The following BSPRY variants were observed in gnomAD, a reference collection of about 807,000 sequenced individuals.
BSPRY encodes B box and SPRY domain-containing protein.
BSPRY carries 33 observed loss-of-function variants against 38.0 expected under a neutral mutation model. The observed-to-expected ratio is 0.87, with a 90% CI of 0.66 to 1.16. The LOEUF is 1.16. Among genes scored for constraint, BSPRY ranks in the 50% most tolerant of loss-of-function variants. BSPRY has a pLI of 0.00. For synonymous variants in BSPRY, 224 were observed against 228.5 expected (o/e 0.98, Z 0.18); for missense variants, 523 against 533.2 (o/e 0.98, Z 0.19).
intron 1 of BSPRY, among the ~76,000 whole-genome samples, chr9:113,350,859 A>G (rs147184327): frequency 6.6e-6 from 1 of 152,294 alleles, no homozygotes; most frequent in Non-Finnish European, 1.5e-5. Flanking sequence ...TGCATAATGG[A>G]CAAAAAAATT....
intron 2 of BSPRY, among the ~76,000 whole-genome samples, chr9:113,359,910 A>G (rs569892190): frequency 2.2e-4 from 34 of 152,222 alleles, no homozygotes; most frequent in Non-Finnish European, 4.4e-4. Flanking sequence ...CATTCAGTCA[A>G]TATTTGAGTA....
In BSPRY at chr9:113,370,324, G is replaced by GTTA; in HGVS notation, c.*183_*184insTAT. The GTTA allele has an allele frequency of 4.6e-6, 3 of 648,988 alleles. No homozygotes were observed. The highest frequency in any genetic ancestry group is 6.8e-6 in the Non-Finnish European group (3 of 439,992). 40.2% of individuals were successfully genotyped at this position (648,988 alleles called of 1,614,324 possible). On this transcript the variant is annotated 3_prime_UTR_variant, in exon 6 of 6. Coordinates refer to ENST00000374183, the MANE Select transcript of BSPRY (RefSeq NM_017688.3). This position sits in a 1 kb window ranked among gnomAD's most constrained non-coding sequence, Gnocchi z 4.8. The stretch of plus-strand genomic sequence containing the variant: ...TCTAGGCATAACCTGTAAATCACAG[G>GTTA]TGTCCAAACTTTTGGCTTCCCTGGG...
chr9:113,362,453 A>G lies in BSPRY; in HGVS notation c.557+59A>G. On this transcript the variant is annotated intron_variant, in intron 4 of 5. Transcript: ENST00000374183. The stretch of plus-strand genomic sequence containing the variant: ...CTTGGAGACCCTTAGACCTCTTCAC[A>G]CTCCACTGCCTTCAGCCCTGCTGCT... 1.9e-6 allele frequency: 3 copies of G among 1,546,020 alleles called. No homozygotes were observed. In the Admixed American group the frequency reaches 5.0e-5, roughly 26 times the overall value.
intron 2 of BSPRY, among the ~76,000 whole-genome samples, chr9:113,358,152 G>A (rs1834093999): frequency 6.6e-6 from 1 of 150,894 alleles, no homozygotes; most frequent in Non-Finnish European, 1.5e-5. Flanking sequence ...GGAGGGTGAG[G>A]TGAGAGGATC....
At chr9:113,366,356 T>C (rs1834251785) in intron 4 of BSPRY, among the ~76,000 whole-genome samples, 1 of 152,232 alleles carries the variant, frequency 6.6e-6, no homozygotes, top group South Asian at 2.1e-4. Context: ...GAATATACTC[T>C]CAAAGTAGTG....
chr9:113,351,079 G>A (rs990023522), intron 1 of BSPRY, among the ~76,000 whole-genome samples: 4 of 152,152 alleles, frequency 2.6e-5, no homozygotes, highest in African/African-American at 9.7e-5. Context: ...GTTGGAGGGA[G>A]GAAGTGATGC....
Position 113,349,786 on chromosome 9 carries a change from C to CG in BSPRY, c.201+9dup. On this transcript the variant is annotated splice_region_variant and intron_variant, in intron 1 of 5. Transcript: ENST00000374183. Reference sequence around the variant, plus strand: ...AGCGCGCCGAGGAGCTGCGGGTGAGCGGGTGTGGGCGCCGGAAGGCGAGGG... The same window carrying CG: ...AGCGCGCCGAGGAGCTGCGGGTGAGCGGGGTGTGGGCGCCGGAAGGCGAGGG... The CG allele has an allele frequency of 5.7e-6, 7 of 1,227,802 alleles. No homozygotes were observed. The highest frequency in any genetic ancestry group is 7.1e-6 in the Non-Finnish European group (7 of 985,382). 76.1% of individuals were successfully genotyped at this position (1,227,802 alleles called of 1,614,324 possible).
In BSPRY at chr9:113,370,090, C is replaced by G; in HGVS notation, c.1157C>G (p.Pro386Arg). 6.2e-7 allele frequency: 1 copy of G among 1,608,268 alleles called. No individual in the cohort carries two copies. Among genetic ancestry groups the G allele is most frequent in the Non-Finnish European group, 8.5e-7 (1 of 1,177,444 alleles). Residue 386 changes from proline (P) to arginine (R), a missense_variant, in exon 6 of 6, where the codon CCC becomes CGC. Pro to Arg is a moderately radical substitution (Grantham distance 103). Coordinates refer to ENST00000374183, the MANE Select transcript of BSPRY (RefSeq NM_017688.3). This position sits in a 1 kb window ranked among gnomAD's most constrained non-coding sequence, Gnocchi z 4.8. ...LCAHHVSFPG[P>R]LFPVFAVADQ... ...GCCCATCATGTGTCCTTCCCGGGGC[C>G]CCTCTTCCCAGTCTTTGCTGTGGCC...
intron 1 of BSPRY, among the ~76,000 whole-genome samples, chr9:113,351,624 G>T (rs1317156548): frequency 6.6e-6 from 1 of 152,118 alleles, no homozygotes. Context: ...AGATGGAACT[G>T]AGGCAGAACT....
At chr9:113,365,802 CTTTTTTTTTTTT>C (rs139762130) in intron 4 of BSPRY, among the ~76,000 whole-genome samples, 2 of 106,740 alleles carry the variant, frequency 1.9e-5, no homozygotes, top group Non-Finnish European at 3.7e-5. Context: ...GTCACAGCTT[CTTTTTTTTTTTT>C]TTTTTTTTGA....
intron 1 of BSPRY, among the ~76,000 whole-genome samples, chr9:113,352,986 TAATG>T (rs1833995453): frequency 6.6e-6 from 1 of 152,150 alleles, no homozygotes. Flanking sequence ...TGGTGCTGCT[TAATG>T]AATGAGGATA....
intron 4 of BSPRY, among the ~76,000 whole-genome samples, chr9:113,366,612 C>T (rs963737458): frequency 7.2e-5 from 11 of 152,182 alleles, no homozygotes; most frequent in Non-Finnish European, 2.9e-5. Context: ...CCGGGTGGTT[C>T]GCTGTAGACT....
rs1834069493 is a variant in BSPRY at position 113,356,919 on chromosome 9, A to G, written c.300+2581A>G. On this transcript the variant is annotated intron_variant, in intron 2 of 5. Coordinates refer to ENST00000374183, the MANE Select transcript of BSPRY (RefSeq NM_017688.3). ...ATGTTATGTTTGAGATACCTATTTGACATCCAAGTGAAGGTGCTGAGTAGG... is the reference window on the plus strand; with the variant it reads ...ATGTTATGTTTGAGATACCTATTTGGCATCCAAGTGAAGGTGCTGAGTAGG... Among the ~76,000 whole-genome samples, 3 of 152,162 alleles carry G rather than the reference A, an allele frequency of 2.0e-5. No homozygotes were observed. The South Asian group carries it at 6.2e-4, about 32-fold the overall frequency.
At chr9:113,351,322 C>T (rs1588059501) in intron 1 of BSPRY, among the ~76,000 whole-genome samples, 1 of 152,164 alleles carries the variant, frequency 6.6e-6, no homozygotes, top group South Asian at 2.1e-4. Flanking sequence ...CTGTCTTTTG[C>T]ACATTCCTTC....
chr9:113,356,882 G>A (rs1834068968), intron 2 of BSPRY, among the ~76,000 whole-genome samples: 1 of 152,226 alleles, frequency 6.6e-6, no homozygotes, highest in Non-Finnish European at 1.5e-5. Flanking sequence ...GGCATGCTAA[G>A]TTGTTGTGGG....
At chr9:113,354,196 C>G (rs1390952979) in intron 1 of BSPRY, 44 bp from the exon 2 acceptor site, 23 of 1,521,460 alleles carry the variant, frequency 1.5e-5, no homozygotes, top group Middle Eastern at 1.8e-4. Context: ...GTGAATGGCT[C>G]AGGTACATGG....
intron 4 of BSPRY, among the ~76,000 whole-genome samples, chr9:113,366,062 C>T (rs572310618): frequency 4.6e-5 from 7 of 152,218 alleles, no homozygotes; most frequent in Non-Finnish European, 8.8e-5. Flanking sequence ...ACCTCAGTCT[C>T]CCAAAGTGCT....
Position 113,369,929 on chromosome 9 carries a change from G to T in BSPRY, c.996G>T (p.Gln332His). Reference sequence around the variant, plus strand: ...CCTGGGTCTTCTCTCGCTATGATCAGGAGTTTCGTTTCTCACACAATGGGC... The same window carrying T: ...CCTGGGTCTTCTCTCGCTATGATCATGAGTTTCGTTTCTCACACAATGGGC... ...AFSWVFSRYDQEFRFSHNGQH... is the reference protein window; with the variant it reads ...AFSWVFSRYDHEFRFSHNGQH... Residue 332 changes from glutamine to histidine, a missense_variant, in exon 6 of 6, where the codon CAG (glutamine) becomes CAT (histidine). Physicochemically the swap from Gln to His is conservative, Grantham distance 24. Coordinates refer to ENST00000374183, the MANE Select transcript of BSPRY (RefSeq NM_017688.3). 1 of 1,614,192 alleles carries T rather than the reference G, an allele frequency of 6.2e-7. No homozygotes were observed. Among genetic ancestry groups the T allele is most frequent in the East Asian group, 2.2e-5 (1 of 44,882 alleles).
chr9:113,350,310 T>C (rs1833951873), intron 1 of BSPRY, among the ~76,000 whole-genome samples: 1 of 152,070 alleles, frequency 6.6e-6, no homozygotes, highest in South Asian at 2.1e-4. Flanking sequence ...CTTTCGCCTC[T>C]TCCCCCTGCT....
Sources: gnomAD v4.1 joint callset for allele counts (sites outside exome capture counted in the v4.1 genomes callset) on GRCh38, gnomAD v4.1.1 for gene constraint, Gnocchi (gnomAD v3.1) non-coding constraint, MANE v1.5 for transcripts, NCBI Gene and HGNC (gene_info 2026-07-23, HGNC 2026-07-21) for gene names.